The following TAFA2 variants were observed in gnomAD, a reference collection of about 807,000 sequenced individuals.
TAFA2 encodes the protein TAFA chemokine like family member 2.
In TAFA2, 7 loss-of-function variants were observed where a neutral mutation model predicts 18.8. The ratio of observed to expected loss-of-function variants is 0.37; its 90% CI spans 0.21 to 0.70. The LOEUF (loss-of-function observed/expected upper bound fraction) is 0.70, where lower values mean the gene tolerates loss of function less well. TAFA2 is among the 30% of genes least tolerant of loss of function. The pLI is 0.53. For synonymous variants in TAFA2, 60 were observed against 54.2 expected, an observed-to-expected ratio of 1.11 and a Z score of -0.47; for missense variants, 122 against 158.1, an observed-to-expected ratio of 0.77 and a Z score of 1.23.
intron 1 of TAFA2, among the ~76,000 whole-genome samples, chr12:61,944,168 C>G (rs1324257472): frequency 6.9e-6 from 1 of 144,700 alleles, no homozygotes; most frequent in East Asian, 2.1e-4. Flanking sequence ...AGCCGCTCAA[C>G]TACCTGGAAA....
chr12:62,016,384 C>G (rs1211949647), intron 1 of TAFA2, among the ~76,000 whole-genome samples: 1 of 152,044 alleles, frequency 6.6e-6, no homozygotes, highest in Non-Finnish European at 1.5e-5. Context: ...ATTCTCTCAC[C>G]TCCAAAACAC....
chr12:61,934,523 C>T (rs971502515), intron 1 of TAFA2, among the ~76,000 whole-genome samples: 1 of 152,210 alleles, frequency 6.6e-6, no homozygotes, highest in East Asian at 1.9e-4. Context: ...TCCTGTAATT[C>T]TTTATTATGC....
At chr12:62,030,366 T>G (rs1881425207) in intron 1 of TAFA2, among the ~76,000 whole-genome samples, 1 of 151,954 alleles carries the variant, frequency 6.6e-6, no homozygotes, top group Non-Finnish European at 1.5e-5. Context: ...CGAATTGAGA[T>G]AATGTTAATA....
intron 1 of TAFA2, among the ~76,000 whole-genome samples, chr12:62,079,138 C>G (rs1039395143): frequency 6.6e-6 from 1 of 152,160 alleles, no homozygotes; most frequent in Admixed American, 6.5e-5. Context: ...GTCAGCTCTT[C>G]AGGAACCACA....
At chr12:62,207,312 A>G (rs1173967740) in intron 1 of TAFA2, 4 of 152,228 alleles carry the variant, frequency 2.6e-5, no homozygotes, top group Non-Finnish European at 4.4e-5. Context: ...GGAAAAATAT[A>G]TGGCCACATT....
At chr12:61,799,550 C>T (rs1008576662) in intron 2 of TAFA2, among the ~76,000 whole-genome samples, 2 of 152,262 alleles carry the variant, frequency 1.3e-5, no homozygotes, top group East Asian at 1.9e-4. Flanking sequence ...TGGCCAGACA[C>T]GGTGGCTCAC....
At chr12:61,863,076 C>G (rs528634918) in intron 2 of TAFA2, among the ~76,000 whole-genome samples, 11 of 152,068 alleles carry the variant, frequency 7.2e-5, no homozygotes, top group African/African-American at 2.7e-4. Flanking sequence ...CTGAAATGAC[C>G]AATTTACTAT....
chr12:61,750,014 C>G (rs1868936618), intron 4 of TAFA2, among the ~76,000 whole-genome samples: 1 of 151,826 alleles, frequency 6.6e-6, no homozygotes, highest in African/African-American at 2.4e-5. Context: ...CACACACACA[C>G]AGAATCACAG....
chr12:61,844,794 G>A (rs1236158146), intron 2 of TAFA2, among the ~76,000 whole-genome samples: 2 of 152,106 alleles, frequency 1.3e-5, no homozygotes, highest in Non-Finnish European at 2.9e-5. Flanking sequence ...TGTTTGTGAG[G>A]CATCACTAGC....
At chr12:61,734,689 T>A (rs1332514320) in intron 4 of TAFA2, among the ~76,000 whole-genome samples, 1 of 152,034 alleles carries the variant, frequency 6.6e-6, no homozygotes, top group East Asian at 1.9e-4. Context: ...ACTTGGAGGC[T>A]ATATAGCCTG....
At chr12:61,880,069 C>G (rs1277170899) in intron 1 of TAFA2, 5 of 659,796 alleles carry the variant, frequency 7.6e-6, no homozygotes, top group Non-Finnish European at 1.1e-5. Context: ...TGTCCATAGA[C>G]AGCAGCCACT....
chr12:61,990,623 G>GCCAC (rs758639564), intron 1 of TAFA2, among the ~76,000 whole-genome samples: 22 of 5,024 alleles, frequency 4.4e-3, no homozygotes, highest in African/African-American at 6.3e-3. Context: ...ACAGGCATGA[G>GCCAC]CGCCCGGCCC....
intron 1 of TAFA2, chr12:62,104,769 T>A (rs1325100612): frequency 1.1e-5 from 5 of 453,428 alleles, no homozygotes; most frequent in Middle Eastern, 3.3e-4. Context: ...ACCATCGGTG[T>A]AAGCTAACTG....
chr12:61,971,299 T>C (rs1169274886), intron 1 of TAFA2, among the ~76,000 whole-genome samples: 2 of 151,742 alleles, frequency 1.3e-5, no homozygotes, highest in Non-Finnish European at 2.9e-5. Flanking sequence ...CAAAGTCTTG[T>C]TATTGCTCTT....
chr12:62,060,935 G>C (rs147836756), intron 1 of TAFA2, among the ~76,000 whole-genome samples: 141 of 151,348 alleles, frequency 9.3e-4, no homozygotes, highest in Non-Finnish European at 1.7e-3. Flanking sequence ...AATTAAAAAA[G>C]TTTAAAGGGA....
At position 61,747,292 on chromosome 12, in the gene TAFA2, T is replaced by G. The variant is rs567162054; in HGVS notation, c.384+6330A>C. ...GGACTGTAAACTAGTTCAACCATTG[T>G]GGAAGTCAGTGTGGCGATTCCTCAG... On this transcript the variant is annotated intron_variant, in intron 4 of 4. Transcript: ENST00000416284. Among the ~76,000 whole-genome samples the G allele has an allele frequency of 6.0e-3, 867 of 145,444 alleles. 3 individuals carry two copies. Among genetic ancestry groups the G allele is most frequent in the African/African-American group, 0.021 (823 of 38,420 alleles).
chr12:61,803,823 G>T (rs1010381892), intron 2 of TAFA2, among the ~76,000 whole-genome samples: 1 of 151,802 alleles, frequency 6.6e-6, no homozygotes, highest in African/African-American at 2.4e-5. Flanking sequence ...TAATAAAATG[G>T]CACATGTATA....
chr12:62,196,833 C>G (rs559623111), upstream of TAFA2, among the ~76,000 whole-genome samples: 1 of 152,270 alleles, frequency 6.6e-6, no homozygotes, highest in African/African-American at 2.4e-5. Flanking sequence ...TTATTCAACA[C>G]AGGGTTACCA....
chr12:62,248,664 CTGTT>C (rs1185834651), intron 1 of TAFA2, among the ~76,000 whole-genome samples: 3 of 152,144 alleles, frequency 2.0e-5, no homozygotes, highest in African/African-American at 7.2e-5. Flanking sequence ...GACTTAATGC[CTGTT>C]TATTACCAGC....
Sources: gnomAD v4.1 joint callset for allele counts (sites outside exome capture counted in the v4.1 genomes callset) on GRCh38, gnomAD v4.1.1 for gene constraint, MANE v1.5 for transcripts, NCBI Gene and HGNC (gene_info 2026-07-23, HGNC 2026-07-21) for gene names.